Variants in KCNIP4 observed in about 807,000 individuals in gnomAD.
KCNIP4 encodes the protein potassium voltage-gated channel interacting protein 4, also known as Kv channel-interacting protein 4.
A neutral mutation model predicts 34.0 loss-of-function variants in KCNIP4; 12 were observed. The ratio of observed to expected loss-of-function variants is 0.35; its 90% CI spans 0.23 to 0.57. KCNIP4 has a LOEUF of 0.57. Among genes scored for constraint, KCNIP4 ranks in the 20% least tolerant of loss-of-function variants. The pLI is 0.83. For missense variants in KCNIP4, 238 were observed against 311.7 expected (o/e 0.76, Z 1.78); for synonymous variants, 124 against 102.2 (o/e 1.21, Z -1.29).
intron 1 of KCNIP4, among the ~76,000 whole-genome samples, chr4:20,992,616 C>T (rs1036476464): frequency 5.9e-5 from 9 of 152,110 alleles, no homozygotes; most frequent in South Asian, 2.1e-4. Flanking sequence ...AATTATCACC[C>T]GGATCGGATC....
intron 1 of KCNIP4, among the ~76,000 whole-genome samples, chr4:21,042,350 T>C (rs1007399701): frequency 6.6e-6 from 1 of 152,212 alleles, no homozygotes; most frequent in African/African-American, 2.4e-5. Flanking sequence ...AAATATTATT[T>C]GACCATTAAA....
At chr4:21,861,262 G>C (rs932722322) in intron 1 of KCNIP4, among the ~76,000 whole-genome samples, 13 of 152,166 alleles carry the variant, frequency 8.5e-5, no homozygotes, top group Non-Finnish European at 1.8e-4. Context: ...GGTTTCAAGG[G>C]ATATGAATTT....
intron 3 of KCNIP4, among the ~76,000 whole-genome samples, chr4:20,772,676 T>A (rs913181716): frequency 6.6e-6 from 1 of 151,946 alleles, no homozygotes; most frequent in Non-Finnish European, 1.5e-5. Context: ...AGTTTCGCTC[T>A]TGTCTCCCAG....
intron 1 of KCNIP4, among the ~76,000 whole-genome samples, chr4:21,686,802 T>C (rs572402189): frequency 1.4e-4 from 21 of 152,138 alleles, no homozygotes; most frequent in Non-Finnish European, 2.9e-4. Context: ...ATGGTATTTC[T>C]AGTATCCCAT....
chr4:20,762,045 T>G (rs1342935991), intron 3 of KCNIP4, among the ~76,000 whole-genome samples: 1 of 152,174 alleles, frequency 6.6e-6, no homozygotes, highest in Non-Finnish European at 1.5e-5. Context: ...TCAGGCTCCT[T>G]TAACAAAATG....
chr4:21,371,310 G>T lies in KCNIP4; in HGVS notation c.62-488601C>A, dbSNP rs537883528. ...CATGAGAGGTAAAAGAAAGAACAAT[G>T]TAGGCAAGAAGGTCAACAGTAATAA... On this transcript the variant is annotated intron_variant, in intron 1 of 8. Coordinates refer to ENST00000382152, the MANE Select transcript of KCNIP4 (RefSeq NM_025221.6). Among the ~76,000 whole-genome samples, 5 of 146,772 alleles carry T rather than the reference G, an allele frequency of 3.4e-5. 1 individual carries two copies. In the South Asian group the frequency reaches 1.1e-3, roughly 31 times the overall value.
At chr4:21,730,878 C>T (rs927355489) in intron 1 of KCNIP4, among the ~76,000 whole-genome samples, 2 of 151,998 alleles carry the variant, frequency 1.3e-5, no homozygotes, top group East Asian at 3.9e-4. Flanking sequence ...TTCGGGAGGC[C>T]AAGGCGGGCA....
At chr4:21,566,907 CA>C (rs139319126) in intron 1 of KCNIP4, among the ~76,000 whole-genome samples, 4 of 152,044 alleles carry the variant, frequency 2.6e-5, no homozygotes, top group Non-Finnish European at 5.9e-5. Flanking sequence ...AGCCAAACTG[CA>C]AAAGGTAACA....
At chr4:21,621,574 T>C (rs1435825242) in intron 1 of KCNIP4, among the ~76,000 whole-genome samples, 2 of 152,102 alleles carry the variant, frequency 1.3e-5, no homozygotes, top group Non-Finnish European at 2.9e-5. Flanking sequence ...CCCAGGCTGT[T>C]CTTGAACTCC....
chr4:21,548,712 G>A (rs1383787509), intron 1 of KCNIP4, among the ~76,000 whole-genome samples: 2 of 151,866 alleles, frequency 1.3e-5, no homozygotes, highest in Admixed American at 6.6e-5. Context: ...CCAATTACTT[G>A]GGCAGAATGG....
chr4:20,852,391 G>T (rs987738498), intron 2 of KCNIP4, among the ~76,000 whole-genome samples: 7 of 152,130 alleles, frequency 4.6e-5, no homozygotes, highest in Non-Finnish European at 8.8e-5. Context: ...GATCATCTCA[G>T]TAGATGCTGA....
chr4:20,980,186 C>G lies in KCNIP4; in HGVS notation c.62-97477G>C, dbSNP rs115371839. Among the ~76,000 whole-genome samples the G allele has an allele frequency of 9.0e-3, 1,373 of 152,318 alleles. 26 individuals carry two copies. The highest frequency in any genetic ancestry group is 0.031 in the African/African-American group (1,282 of 41,562). On this transcript the variant is annotated intron_variant, in intron 1 of 8. Transcript: ENST00000382152. ...TCTGCTGCCTTGTTTAGTAAGTAGT[C>G]TCCTTTACCAGAATGTAAGCTTGTT...
intron 2 of KCNIP4, among the ~76,000 whole-genome samples, chr4:20,863,903 AT>A (rs1488206376): frequency 6.6e-6 from 1 of 151,924 alleles, no homozygotes; most frequent in South Asian, 2.1e-4. Context: ...TATTTATAGC[AT>A]TTGTTTTGTG....
intron 2 of KCNIP4, among the ~76,000 whole-genome samples, chr4:20,855,100 G>A (rs188333952): frequency 6.6e-6 from 1 of 152,192 alleles, no homozygotes; most frequent in East Asian, 1.9e-4. Context: ...ACCTTTCCTG[G>A]CCCAAGTAAC....
intron 1 of KCNIP4, among the ~76,000 whole-genome samples, chr4:21,533,167 T>C (rs1354660999): frequency 6.6e-6 from 1 of 152,032 alleles, no homozygotes; most frequent in African/African-American, 2.4e-5. Context: ...AAGGTAGCAA[T>C]ACTTCTAAGT....
At chr4:20,820,684 G>T (rs181072420) in intron 3 of KCNIP4, among the ~76,000 whole-genome samples, 1 of 152,270 alleles carries the variant, frequency 6.6e-6, no homozygotes, top group Non-Finnish European at 1.5e-5. Context: ...CTTTGAGGGT[G>T]CTCCTCCCAT....
At chr4:20,949,723 T>C (rs1732570540) in intron 1 of KCNIP4, among the ~76,000 whole-genome samples, 1 of 151,700 alleles carries the variant, frequency 6.6e-6, no homozygotes, top group Admixed American at 6.6e-5. Context: ...ATAGATGAAA[T>C]TGGAAATAAC....
At chr4:21,669,119 G>GCCTC (rs61679770) in intron 1 of KCNIP4, among the ~76,000 whole-genome samples, 35,315 of 145,930 alleles carry the variant, frequency 0.24, 4,375 homozygotes, top group Non-Finnish European at 0.29. Context: ...GATTTTCCCT[G>GCCTC]CCTCCCTCCC....
chr4:21,658,700 C>T (rs1157562748), intron 1 of KCNIP4, among the ~76,000 whole-genome samples: 1 of 152,108 alleles, frequency 6.6e-6, no homozygotes, highest in Non-Finnish European at 1.5e-5. Context: ...CGCGCCAGGC[C>T]CACATAGTGC....
Sources: allele counts gnomAD v4.1 joint callset (sites outside exome capture counted in the v4.1 genomes callset), GRCh38; gene constraint gnomAD v4.1.1; transcripts MANE v1.5; gene names NCBI Gene and HGNC (gene_info 2026-07-23, HGNC 2026-07-21).